ITFG2: variants seen among roughly 807,000 people sequenced by gnomAD.
ITFG2 encodes the protein KICSTOR complex protein ITFG2.
A neutral mutation model predicts 54.4 loss-of-function variants in ITFG2; 36 were observed. That is an observed-to-expected ratio of 0.66 (90% CI 0.51 to 0.87). ITFG2 has a LOEUF of 0.87. ITFG2 is among the 40% of genes least tolerant of loss of function. The pLI is 0.00. For synonymous variants in ITFG2, 211 were observed against 225.4 expected (o/e 0.94, Z 0.57); for missense variants, 524 against 576.7 (o/e 0.91, Z 0.94).
rs897704605 is a variant in ITFG2, at chr12:2,824,646, A to G, written c.*453A>G. The G allele has an allele frequency of 5.1e-6, 1 of 194,990 alleles. No individual in the cohort carries two copies. The highest frequency in any genetic ancestry group is 5.5e-5 in the Admixed American group (1 of 18,246). 12.1% of individuals were successfully genotyped at this position (194,990 alleles called of 1,614,324 possible). A position where few individuals can be genotyped will look rare whatever the true frequency, so the allele number is the denominator to read the frequency against. On this transcript the variant is annotated 3_prime_UTR_variant, in exon 12 of 12. Transcript: ENST00000228799. Reference sequence around the variant, plus strand: ...CAATTCCAAGTTCTTGACGTTAGTAATTGTTAAAGGAATGGCAAACTGTTT... The same window carrying G: ...CAATTCCAAGTTCTTGACGTTAGTAGTTGTTAAAGGAATGGCAAACTGTTT...
At chr12:2,831,395 C>T (rs1007638804), downstream of ITFG2, among the ~76,000 whole-genome samples, 10 of 151,814 alleles carry the variant, frequency 6.6e-5, no homozygotes, top group African/African-American at 2.2e-4. Context: ...ACCAGCCTGG[C>T]CAACATGGTG....
At chr12:2,841,985 G>A (rs2098042209) in intron 2 of ITFG2, among the ~76,000 whole-genome samples, 1 of 151,784 alleles carries the variant, frequency 6.6e-6, no homozygotes, top group Non-Finnish European at 1.5e-5. Context: ...CCAAAGTGCT[G>A]GGATTACAGG....
At chr12:2,829,906 C>T (rs796235168), downstream of ITFG2, among the ~76,000 whole-genome samples, 11,338 of 128,546 alleles carry the variant, frequency 0.088, 2 homozygotes, top group South Asian at 0.18. Context: ...GGAGAAACCC[C>T]ATCTCTACTA....
chr12:2,835,005 T>G (rs1270754260), upstream of ITFG2: 1 of 1,532,912 alleles, frequency 6.5e-7, no homozygotes, highest in South Asian at 1.3e-5. Flanking sequence ...CGCGTCAGTC[T>G]CCAATTTCCC....
chr12:2,820,608 A>AG (rs1436594982), intron 5 of ITFG2, 116 bp from the exon 6 acceptor site: 2 of 883,906 alleles, frequency 2.3e-6, no homozygotes, highest in Non-Finnish European at 3.5e-6. Context: ...GGCTGTTCCC[A>AG]GGACTGCTGC....
intron 9 of ITFG2, 106 bp downstream of exon 9, chr12:2,821,898 T>A: frequency 1.2e-6 from 1 of 819,708 alleles, no homozygotes; most frequent in Middle Eastern, 2.7e-4. Flanking sequence ...CTCCCAACCT[T>A]TATCTTTAGT....
In ITFG2 at chr12:2,845,658, C is replaced by G. The variant is rs1260294020; in HGVS notation, n.300+4663C>G. ...TGAAGTATGTGGGGGAAAGGGGTGT[C>G]CATACCTTCACCCCTGCCTCCCTCT... On this transcript the variant is annotated intron_variant and non_coding_transcript_variant, in intron 2 of 3. Transcript: ENST00000537710. The surrounding 1 kb of genome is among the most constrained non-coding windows in gnomAD (Gnocchi z 4.2). 1.4e-4 allele frequency among the ~76,000 whole-genome samples: 22 copies of G among 152,068 alleles called. 1 individual carries two copies. Among genetic ancestry groups the G allele is most frequent in the Admixed American group, 1.4e-3 (22 of 15,260 alleles).
intron 2 of ITFG2, among the ~76,000 whole-genome samples, chr12:2,841,499 A>C (rs2098041003): frequency 6.6e-6 from 1 of 152,180 alleles, no homozygotes; most frequent in South Asian, 2.1e-4. Context: ...CACACCTTGC[A>C]TTTACCACTG....
At chr12:2,821,995 C>G (rs1480894388) in intron 9 of ITFG2, among the ~76,000 whole-genome samples, 1 of 144,928 alleles carries the variant, frequency 6.9e-6, no homozygotes, top group Non-Finnish European at 1.5e-5. Flanking sequence ...GTGGCATGAT[C>G]TTGGTTCACT....
chr12:2,829,773 A>AATTTTTTTTT (rs1234394859), downstream of ITFG2, among the ~76,000 whole-genome samples: 1 of 151,172 alleles, frequency 6.6e-6, no homozygotes, highest in African/African-American at 2.4e-5. Context: ...TCTCTAAAAA[A>AATTTTTTTTT]TAAACAAAAG....
intron 2 of ITFG2, chr12:2,856,978 G>A: frequency 1.4e-6 from 1 of 703,056 alleles, no homozygotes; most frequent in Non-Finnish European, 2.6e-6. Context: ...TCTTCCATAT[G>A]AGATGGGTGA....
chr12:2,827,667 A>G (rs35469762), downstream of ITFG2: 49 of 1,613,770 alleles, frequency 3.0e-5, no homozygotes, highest in Non-Finnish European at 5.1e-6. The surrounding 1 kb of genome is among the most constrained non-coding windows in gnomAD (Gnocchi z 4.0). Flanking sequence ...AGAATTCAGG[A>G]CTCTCAGCAT....
intron 1 of ITFG2, among the ~76,000 whole-genome samples, chr12:2,838,444 G>A (rs912201739): frequency 6.6e-6 from 1 of 152,180 alleles, no homozygotes; most frequent in Non-Finnish European, 1.5e-5. Flanking sequence ...GCTCTCAAGT[G>A]AGCTCAGGTC....
intron 2 of ITFG2, among the ~76,000 whole-genome samples, chr12:2,841,650 A>G (rs113405388): frequency 6.6e-6 from 1 of 152,334 alleles, no homozygotes; most frequent in Middle Eastern, 3.4e-3. Flanking sequence ...TGGATTTTGA[A>G]AACAATACAA....
chr12:2,843,445 G>C (rs1211225314), intron 2 of ITFG2, among the ~76,000 whole-genome samples: 1 of 152,224 alleles, frequency 6.6e-6, no homozygotes, highest in Non-Finnish European at 1.5e-5. Flanking sequence ...GGCACGAAGA[G>C]GTCAAGTGCT....
At chr12:2,817,492 T>C in intron 2 of ITFG2, 174 bp downstream of exon 2, 1 of 593,602 alleles carries the variant, frequency 1.7e-6, no homozygotes, top group Non-Finnish European at 3.0e-6. Context: ...CAGCTAGTGC[T>C]CCCATCTGTC....
At chr12:2,826,797 TGGTG>T, downstream of ITFG2, 14 of 237,170 alleles carry the variant, frequency 5.9e-5, no homozygotes, top group South Asian at 1.6e-4. Context: ...CCAGAAGGTG[TGGTG>T]AGAGACATGG....
rs767349247 is a variant in ITFG2, at chr12:2,821,283, C to T, written c.717C>T (p.Asp239=). The change falls in exon 7 of 12, where the codon GAC becomes GAT. Residue 239 remains aspartate (D), a synonymous_variant. Transcript: ENST00000228799. ...ACAGGGAGACCCCAGCTGCCCGAGA[C>T]GTGGTGCTGCACCAGACATCTGGCC... is the stretch of plus-strand genomic sequence containing the variant. ...DGSRETPAAR[D]VVLHQTSGRI... 2 of 1,608,800 alleles carry T rather than the reference C, an allele frequency of 1.2e-6. No homozygotes were observed. Among genetic ancestry groups the T allele is most frequent in the Middle Eastern group, 1.6e-4 (1 of 6,074 alleles).
chr12:2,824,038 C>T, intron 11 of ITFG2, 52 bp from the exon 12 acceptor site: 2 of 1,613,630 alleles, frequency 1.2e-6, no homozygotes, highest in South Asian at 1.1e-5. Context: ...AGCCAGTGGC[C>T]CGGGTGCCCA....
Sources: allele counts gnomAD v4.1 joint callset (sites outside exome capture counted in the v4.1 genomes callset), GRCh38; gene constraint gnomAD v4.1.1; non-coding constraint Gnocchi (gnomAD v3.1); transcripts MANE v1.5; gene names NCBI Gene and HGNC (gene_info 2026-07-23, HGNC 2026-07-21).